The following SLC35A3 variants were observed in gnomAD, a reference collection of about 807,000 sequenced individuals.
SLC35A3 encodes solute carrier family 35 member A3, also known as UDP-N-acetylglucosamine transporter.
A neutral mutation model predicts 39.0 loss-of-function variants in SLC35A3; 26 were observed. The ratio of observed to expected loss-of-function variants is 0.67; its 90% confidence interval spans 0.49 to 0.92. SLC35A3 has a LOEUF of 0.92. Ranked by LOEUF, SLC35A3 falls within the 40% of genes least tolerant of loss-of-function variation. The pLI, the probability that SLC35A3 is intolerant of heterozygous loss-of-function variation, is 0.00. For synonymous variants in SLC35A3, 135 were observed against 133.1 expected (o/e 1.01, Z -0.10); for missense variants, 299 against 371.6 (o/e 0.80, Z 1.61).
chr1:99,977,395 G>A (rs1251195102), intron 1 of SLC35A3, among the ~76,000 whole-genome samples: 5 of 151,296 alleles, frequency 3.3e-5, no homozygotes, highest in African/African-American at 4.9e-5. Context: ...TTAGCTGGGC[G>A]TGGTGGCAGG....
At chr1:99,974,310 C>G (rs568119035) in intron 1 of SLC35A3, among the ~76,000 whole-genome samples, 1 of 152,100 alleles carries the variant, frequency 6.6e-6, no homozygotes, top group South Asian at 2.1e-4. Context: ...TAATCATAAC[C>G]ACCCTACAAA....
In SLC35A3 at chr1:100,007,126, A is replaced by G. The variant is rs1659290417; in HGVS notation, c.435A>G (p.Val145=). The change falls in exon 4 of 8, where the codon GTA becomes GTG. Residue 145 remains valine, a synonymous_variant. Transcript: ENST00000533028. ...KLGVYQWLSL[V]ILMTGVAFVQ... ...GTGTATACCAGTGGCTGTCCCTAGT[A>G]ATTTTGATGACAGGAGTTGCTTTTG... The G allele has an allele frequency of 6.2e-7, 1 of 1,611,058 alleles. No homozygotes were observed. Among genetic ancestry groups the G allele is most frequent in the South Asian group, 1.1e-5 (1 of 90,214 alleles).
intron 7 of SLC35A3, among the ~76,000 whole-genome samples, chr1:100,021,584 T>A (rs571367457): frequency 9.2e-5 from 14 of 152,054 alleles, no homozygotes; most frequent in African/African-American, 3.4e-4. Flanking sequence ...GAGCTGGGAT[T>A]GCTTGAACCC....
chr1:99,975,024 A>C (rs564592745), intron 1 of SLC35A3: 1 of 151,984 alleles, frequency 6.6e-6, no homozygotes, highest in African/African-American at 2.4e-5. Flanking sequence ...GCTCACTGCA[A>C]CTTCCACCTC....
At position 100,034,573 on chromosome 1, in the gene SLC35A3, TG is replaced by T. The variant is rs1211434432; in HGVS notation, c.*12098del. 6.6e-6 allele frequency: 1 copy of T among 152,224 alleles called. No individual in the cohort carries two copies. Among genetic ancestry groups the T allele is most frequent in the African/African-American group, 2.4e-5 (1 of 41,466 alleles). The allele number at this position is 152,224 out of a possible 1,614,324, so 9.4% of individuals were successfully genotyped here. ...GGATTTTTGGTGGCTTTTCTATTCA[TG>T]ATTAAATGTGTAGGATCTTCTTCAA... On this transcript the variant is annotated 3_prime_UTR_variant, in exon 8 of 8. Transcript: ENST00000533028.
At position 99,993,908 on chromosome 1, in the gene SLC35A3, A is replaced by AT. The variant is rs1383114680; in HGVS notation, c.187+171dup. On this transcript the variant is annotated intron_variant, in intron 2 of 7. Transcript: ENST00000533028. ...ACATTTTAAGTCTAGTAATAAAGCC[A>AT]TTTTAATCTGTATCATGATTCATAT... Among the ~76,000 whole-genome samples, 7 of 90,522 alleles carry AT rather than the reference A, an allele frequency of 7.7e-5. No individual in the cohort carries two copies. The African/African-American group carries it at 8.0e-4, about 10-fold the overall frequency. 59.4% of individuals were successfully genotyped at this position (90,522 alleles called of 152,430 possible). A position where few individuals can be genotyped will look rare whatever the true frequency, so the allele number is the denominator to read the frequency against.
chr1:99,990,319 T>C (rs1658003171), intron 1 of SLC35A3, among the ~76,000 whole-genome samples: 1 of 152,172 alleles, frequency 6.6e-6, no homozygotes, highest in Middle Eastern at 3.2e-3. Flanking sequence ...CTGAAGCCTG[T>C]AATCCCAGAA....
intron 1 of SLC35A3, among the ~76,000 whole-genome samples, chr1:99,990,809 G>A (rs962726733): frequency 1.3e-5 from 2 of 152,140 alleles, no homozygotes; most frequent in African/African-American, 4.8e-5. Context: ...GCCTTTGGGA[G>A]GTAATTAGGT....
At chr1:99,975,453 G>A (rs1657057153) in intron 1 of SLC35A3, among the ~76,000 whole-genome samples, 2 of 152,194 alleles carry the variant, frequency 1.3e-5, no homozygotes, top group Admixed American at 6.5e-5. Context: ...AAATTTATGA[G>A]TGCTATTATA....
chr1:100,027,033 A>T lies in SLC35A3; in HGVS notation c.*4557A>T, dbSNP rs1397341527. ...TTTACCTGTGTCTATGACCTAACCT[A>T]TGAATTAGTCTTCTCTCTTTATATA... On this transcript the variant is annotated 3_prime_UTR_variant, in exon 8 of 8. Transcript: ENST00000533028. The T allele has an allele frequency of 5.1e-6, 2 of 395,870 alleles. No individual in the cohort carries two copies. Among genetic ancestry groups the T allele is most frequent in the Non-Finnish European group, 8.9e-6 (2 of 224,928 alleles). 24.5% of individuals were successfully genotyped at this position (395,870 alleles called of 1,614,324 possible).
At chr1:99,997,673 A>G (rs868462446) in intron 2 of SLC35A3, among the ~76,000 whole-genome samples, 2 of 150,146 alleles carry the variant, frequency 1.3e-5, no homozygotes, top group Non-Finnish European at 2.9e-5. Context: ...TTTTTCTGCT[A>G]TGCCTTTTTT....
At chr1:100,004,713 T>A (rs1215643246) in intron 3 of SLC35A3, among the ~76,000 whole-genome samples, 3 of 151,928 alleles carry the variant, frequency 2.0e-5, no homozygotes, top group East Asian at 1.9e-4. Context: ...TTAAAAAAAA[T>A]TATTTCTATT....
rs1659270032 is a variant in SLC35A3 at position 100,006,899 on chromosome 1, T to G, written c.343-135T>G. 8.9e-6 allele frequency: 9 copies of G among 1,016,722 alleles called. No homozygotes were observed. The South Asian group carries it at 1.7e-4, about 20-fold the overall frequency. 63.0% of individuals were successfully genotyped at this position (1,016,722 alleles called of 1,614,324 possible). On this transcript the variant is annotated intron_variant, in intron 3 of 7. Coordinates refer to ENST00000533028, the MANE Select transcript of SLC35A3 (RefSeq NM_012243.3). ...CCTGAGACTGGCATTAACTGAAGCT[T>G]TAGATTCCAGTTCCCAGCCAGATGC...
intron 4 of SLC35A3, among the ~76,000 whole-genome samples, chr1:100,010,775 C>G (rs1372840019): frequency 2.0e-5 from 3 of 152,154 alleles, no homozygotes; most frequent in African/African-American, 4.8e-5. Flanking sequence ...TACAGGATAT[C>G]AGTTGATTAG....
intron 1 of SLC35A3, among the ~76,000 whole-genome samples, chr1:99,971,961 G>T (rs1656839221): frequency 1.3e-5 from 2 of 151,650 alleles, no homozygotes; most frequent in Admixed American, 1.3e-4. Flanking sequence ...TCAATGTTGC[G>T]ATCTCGGCTC....
intron 2 of SLC35A3, among the ~76,000 whole-genome samples, chr1:99,995,113 T>TTTCTTTCTTTCC (rs1658314360): frequency 6.3e-5 from 5 of 79,466 alleles, no homozygotes; most frequent in Non-Finnish European, 1.4e-4. Context: ...ATTTTCTTTC[T>TTTCTTTCTTTCC]TTCTTTCTTT....
At chr1:99,993,859 C>A in intron 2 of SLC35A3, 118 bp downstream of exon 2, 2 of 830,188 alleles carry the variant, frequency 2.4e-6, no homozygotes, top group Non-Finnish European at 3.6e-6. Flanking sequence ...AAGAATATTT[C>A]AATATTTTAA....
chr1:99,970,725 T>C, intron 1 of SLC35A3: 1 of 905,684 alleles, frequency 1.1e-6, no homozygotes, highest in Non-Finnish European at 1.7e-6. Flanking sequence ...CATTGCTTTA[T>C]AGTAAAAGAC....
chr1:99,978,863 T>A (rs1339367203), intron 1 of SLC35A3: 1 of 152,248 alleles, frequency 6.6e-6, no homozygotes, highest in South Asian at 2.1e-4. Flanking sequence ...AATTAATTTT[T>A]AAAAATATAG....
Sources: allele counts gnomAD v4.1 joint callset (sites outside exome capture counted in the v4.1 genomes callset), GRCh38; gene constraint gnomAD v4.1.1; transcripts MANE v1.5; gene names NCBI Gene and HGNC (gene_info 2026-07-23, HGNC 2026-07-21).